Variants in SHPRH observed in about 807,000 individuals in gnomAD.
SHPRH encodes SNF2 histone linker PHD RING helicase, also known as E3 ubiquitin-protein ligase SHPRH.
In SHPRH, 106 loss-of-function variants were observed where a neutral mutation model predicts 202.5. The ratio of observed to expected loss-of-function variants is 0.52; its 90% CI spans 0.45 to 0.62. SHPRH has a LOEUF of 0.62. Ranked by LOEUF, SHPRH falls within the 20% of genes least tolerant of loss-of-function variation. The probability of loss-of-function intolerance (pLI) is 0.00; values close to 1 mark genes in which losing one functional copy is unlikely to be tolerated. For missense variants in SHPRH, 1,710 were observed against 2,020.0 expected (o/e 0.85, Z 2.94); for synonymous variants, 729 against 686.0 (o/e 1.06, Z -0.98).
intron 14 of SHPRH, among the ~76,000 whole-genome samples, chr6:145,927,487 A>G (rs536469136): frequency 2.0e-5 from 3 of 151,892 alleles, no homozygotes; most frequent in South Asian, 4.1e-4. Flanking sequence ...ATGGAATATA[A>G]TGTTCTTATA....
At chr6:145,936,907 G>A (rs546488711) in intron 11 of SHPRH, among the ~76,000 whole-genome samples, 13 of 151,470 alleles carry the variant, frequency 8.6e-5, no homozygotes, top group Middle Eastern at 3.5e-3. Context: ...TCTTTTTTGA[G>A]GTCCCAAAGC....
chr6:145,888,126 C>T (rs199875205), intron 28 of SHPRH, 26 bp from the exon 29 acceptor site: 387 of 1,533,194 alleles, frequency 2.5e-4, no homozygotes, highest in Non-Finnish European at 3.3e-4. Context: ...GAATTTTAAG[C>T]TTAAAAACAT....
chr6:145,932,006 G>A (rs1032957622), intron 14 of SHPRH, among the ~76,000 whole-genome samples: 3 of 151,268 alleles, frequency 2.0e-5, no homozygotes, highest in Admixed American at 1.3e-4. Context: ...TTTTCATGTT[G>A]GAGAGTTTCT....
At chr6:145,896,105 C>G (rs1427258044) in intron 25 of SHPRH, among the ~76,000 whole-genome samples, 2 of 151,846 alleles carry the variant, frequency 1.3e-5, no homozygotes, top group African/African-American at 4.8e-5. Flanking sequence ...ATAAACAAAA[C>G]AAGAAAGAAA....
chr6:145,956,641 A>G (rs1268444695), intron 1 of SHPRH, among the ~76,000 whole-genome samples: 1 of 152,178 alleles, frequency 6.6e-6, no homozygotes, highest in African/African-American at 2.4e-5. Context: ...AAATATGTGT[A>G]TAAATATAGT....
chr6:145,939,812 T>C (rs1013157349), intron 11 of SHPRH, among the ~76,000 whole-genome samples: 1 of 151,868 alleles, frequency 6.6e-6, no homozygotes, highest in Non-Finnish European at 1.5e-5. Context: ...AAAATAATCA[T>C]TGGAAAACAC....
chr6:145,911,573 G>T (rs1378487411), intron 24 of SHPRH, among the ~76,000 whole-genome samples: 1 of 152,128 alleles, frequency 6.6e-6, no homozygotes, highest in Non-Finnish European at 1.5e-5. Flanking sequence ...AGTTCTAAAA[G>T]CTATGGCATC....
At chr6:145,916,652 G>T (rs544608597) in intron 23 of SHPRH, among the ~76,000 whole-genome samples, 15 of 152,000 alleles carry the variant, frequency 9.9e-5, no homozygotes, top group Admixed American at 2.0e-4. Flanking sequence ...AAAATTTTAG[G>T]TTTTAAAAAA....
intron 22 of SHPRH, chr6:145,919,072 T>C (rs1304991508): frequency 1.3e-5 from 4 of 297,876 alleles, no homozygotes; most frequent in East Asian, 6.5e-5. Context: ...CTTAAGCACA[T>C]ACAAGGTTTT....
At chr6:145,954,007 A>G (rs1453326181) in intron 2 of SHPRH, among the ~76,000 whole-genome samples, 7 of 151,924 alleles carry the variant, frequency 4.6e-5, no homozygotes, top group East Asian at 1.9e-4. Flanking sequence ...CCAAAAAAAA[A>G]AATCTACCAG....
At chr6:145,867,631 T>TATATATATATATATATATAGAG (rs1554220329) in intron 2 of SHPRH, among the ~76,000 whole-genome samples, 1 of 22,318 alleles carries the variant, frequency 4.5e-5, no homozygotes, top group African/African-American at 2.2e-4. Context: ...TATATATATA[T>TATATATATATATATATATAGAG]AGAGAGAGAG....
downstream of SHPRH, among the ~76,000 whole-genome samples, chr6:145,880,069 A>G (rs1489963659): frequency 6.6e-6 from 1 of 152,136 alleles, no homozygotes; most frequent in African/African-American, 2.4e-5. Flanking sequence ...CTAAGTACTA[A>G]CATTTGTTGA....
chr6:145,933,103 C>A lies in SHPRH; in HGVS notation c.3066G>T (p.Gln1022His). ...CTAAGCCATTGAGAGCACAAACTAG[C>A]TGTCGATGTGCTTCTTCACATTCAG... ...CGTECEEAHR[Q>H]LVCALNGLAG... Residue 1022 changes from glutamine (Q) to histidine (H), a missense_variant, in exon 14 of 30, where the codon CAG (glutamine) becomes CAT (histidine). Physicochemically the swap from Gln to His is conservative, Grantham distance 24. Coordinates refer to ENST00000275233, the MANE Select transcript of SHPRH (RefSeq NM_001042683.3). The A allele has an allele frequency of 6.2e-7, 1 of 1,613,890 alleles. No homozygotes were observed. Among genetic ancestry groups the A allele is most frequent in the South Asian group, 1.1e-5 (1 of 91,070 alleles).
intron 11 of SHPRH, among the ~76,000 whole-genome samples, chr6:145,938,970 G>A (rs1786429188): frequency 6.6e-6 from 1 of 152,132 alleles, no homozygotes; most frequent in South Asian, 2.1e-4. Flanking sequence ...AGTGCTACCA[G>A]CATCTAGTGG....
intron 11 of SHPRH, chr6:145,935,970 T>C (rs1289159722): frequency 6.6e-6 from 1 of 152,356 alleles, no homozygotes. Context: ...GTGATATTCA[T>C]AGCAACAATA....
Position 145,935,028 on chromosome 6 carries a change from G to C in SHPRH, c.2869C>G (p.Leu957Val). The change falls in exon 13 of 30, where the codon CTG (leucine) becomes GTG (valine). Residue 957 changes from leucine (L) to valine (V), a missense_variant. Around this residue, in one of 8 missense-constraint regions of SHPRH, gnomAD observed 277 missense variants for 363.0 expected, o/e 0.76. Transcript: ENST00000275233. Reference protein sequence around the residue: ...VKLRKISDWALKLSSLDRRTV... With the variant: ...VKLRKISDWAVKLSSLDRRTV... ...CTTCTGTCTAGGCTGCTGAGCTTCA[G>C]AGCCCAGTCAGAAATCTTCCTGAGT... 6.2e-7 allele frequency: 1 copy of C among 1,614,086 alleles called. No homozygotes were observed. Among genetic ancestry groups the C allele is most frequent in the Non-Finnish European group, 8.5e-7 (1 of 1,180,008 alleles).
At chr6:145,960,772 T>A (rs1789006901) in intron 1 of SHPRH, among the ~76,000 whole-genome samples, 1 of 152,172 alleles carries the variant, frequency 6.6e-6, no homozygotes, top group Non-Finnish European at 1.5e-5. Flanking sequence ...TAGTTGCTAC[T>A]TATCATCATC....
At chr6:145,962,639 T>G (rs1328792406) in intron 1 of SHPRH, among the ~76,000 whole-genome samples, 1 of 152,174 alleles carries the variant, frequency 6.6e-6, no homozygotes, top group Non-Finnish European at 1.5e-5. Flanking sequence ...TCCAAAATAT[T>G]ATTTCCTCTT....
At chr6:145,929,849 T>C (rs1308056600) in intron 14 of SHPRH, among the ~76,000 whole-genome samples, 3 of 152,106 alleles carry the variant, frequency 2.0e-5, no homozygotes, top group East Asian at 1.9e-4. Context: ...TGTGAGCAGG[T>C]TGAAAGTGGT....
Sources: allele counts gnomAD v4.1 joint callset (sites outside exome capture counted in the v4.1 genomes callset), GRCh38; gene constraint gnomAD v4.1.1; regional missense constraint gnomAD v4.1.1; transcripts MANE v1.5; gene names NCBI Gene and HGNC (gene_info 2026-07-23, HGNC 2026-07-21).